The following PDGFC variants were observed in gnomAD, a reference collection of about 807,000 sequenced individuals.
PDGFC encodes the protein platelet-derived growth factor C.
A neutral mutation model predicts 35.5 loss-of-function variants in PDGFC; 12 were observed. The observed-to-expected ratio is 0.34, with a 90% confidence interval of 0.22 to 0.55. PDGFC has a LOEUF of 0.55. Ranked by LOEUF, PDGFC falls within the 20% of genes least tolerant of loss-of-function variation. PDGFC has a pLI of 0.91. For missense variants in PDGFC, 322 were observed against 412.4 expected, an observed-to-expected ratio of 0.78 and a Z score of 1.90; for synonymous variants, 159 against 148.8, an observed-to-expected ratio of 1.07 and a Z score of -0.50.
chr4:156,761,283 C>T lies in PDGFC; in HGVS notation c.*1807G>A, dbSNP rs777093317. 6.6e-5 allele frequency: 10 copies of T among 152,180 alleles called. No individual in the cohort carries two copies. Among genetic ancestry groups the T allele is most frequent in the Non-Finnish European group, 1.2e-4 (8 of 68,048 alleles). 9.4% of individuals were successfully genotyped at this position (152,180 alleles called of 1,614,324 possible). On this transcript the variant is annotated 3_prime_UTR_variant, in exon 6 of 6. Coordinates refer to ENST00000502773, the MANE Select transcript of PDGFC (RefSeq NM_016205.3). ...TTATGCTCACCCCATTTAGTAGTTGCCAGTGACAATGAAGACATGAGTGGA... is the reference window on the plus strand; with the variant it reads ...TTATGCTCACCCCATTTAGTAGTTGTCAGTGACAATGAAGACATGAGTGGA...
intron 1 of PDGFC, among the ~76,000 whole-genome samples, chr4:156,884,478 T>C (rs1730328218): frequency 6.6e-6 from 1 of 152,162 alleles, no homozygotes; most frequent in South Asian, 2.1e-4. Flanking sequence ...GACTCACAGA[T>C]AGGAGTTTCC....
chr4:156,947,607 A>G (rs1052591701), intron 1 of PDGFC, among the ~76,000 whole-genome samples: 5 of 152,118 alleles, frequency 3.3e-5, no homozygotes, highest in African/African-American at 1.2e-4. Flanking sequence ...GAGAGGTGGT[A>G]TCACAAAACA....
intron 2 of PDGFC, among the ~76,000 whole-genome samples, chr4:156,827,208 G>A (rs1343285014): frequency 4.6e-5 from 7 of 152,130 alleles, no homozygotes. Flanking sequence ...ACGAGGTCAG[G>A]AGATTGAGAC....
In PDGFC at chr4:156,762,495, A is replaced by T. The variant is rs922579687; in HGVS notation, c.*595T>A. On this transcript the variant is annotated 3_prime_UTR_variant, in exon 6 of 6. Coordinates refer to ENST00000502773, the MANE Select transcript of PDGFC (RefSeq NM_016205.3). ...TCTTCTTCTAAATGGCAGAAATTTT[A>T]ATAAGAAATATGAAAAATCCAGTCT... 6.6e-6 allele frequency: 1 copy of T among 152,478 alleles called. No individual in the cohort carries two copies. Among genetic ancestry groups the T allele is most frequent in the African/African-American group, 2.4e-5 (1 of 41,574 alleles). The allele number at this position is 152,478 out of a possible 1,614,324, so 9.4% of individuals were successfully genotyped here.
chr4:156,868,491 T>A (rs1000692106), intron 1 of PDGFC, among the ~76,000 whole-genome samples: 1 of 152,264 alleles, frequency 6.6e-6, no homozygotes, highest in African/African-American at 2.4e-5. Flanking sequence ...ATCAACCTAG[T>A]GATGCTTTAC....
intron 3 of PDGFC, among the ~76,000 whole-genome samples, chr4:156,803,501 C>T (rs1731672320): frequency 6.6e-6 from 1 of 151,962 alleles, no homozygotes; most frequent in African/African-American, 2.4e-5. Context: ...CTTTATCTTC[C>T]AGTGAGAAAT....
chr4:156,827,139 T>C (rs1269408753), intron 2 of PDGFC, among the ~76,000 whole-genome samples: 2 of 152,218 alleles, frequency 1.3e-5, no homozygotes, highest in Non-Finnish European at 2.9e-5. Flanking sequence ...ACAGATTGGC[T>C]GGGCACAGTG....
intron 2 of PDGFC, among the ~76,000 whole-genome samples, chr4:156,835,729 A>G (rs1365974456): frequency 6.6e-6 from 1 of 152,218 alleles, no homozygotes; most frequent in Non-Finnish European, 1.5e-5. Context: ...AAGTGATAGA[A>G]CTGAACTGGA....
chr4:156,770,048 G>A (rs980652006), intron 4 of PDGFC: 3 of 151,876 alleles, frequency 2.0e-5, no homozygotes, highest in East Asian at 1.9e-4. Flanking sequence ...GATTGTATAC[G>A]TTTCCTTTAA....
intron 1 of PDGFC, among the ~76,000 whole-genome samples, chr4:156,851,072 T>C (rs17035315): frequency 0.079 from 11,970 of 152,180 alleles, 1,047 homozygotes; most frequent in African/African-American, 0.22. Flanking sequence ...GCTTTAGGAA[T>C]TGAGCTGGCA....
At chr4:156,962,026 ATC>A (rs1266964533) in intron 1 of PDGFC, among the ~76,000 whole-genome samples, 1 of 152,174 alleles carries the variant, frequency 6.6e-6, no homozygotes, top group East Asian at 1.9e-4. Flanking sequence ...CAAAGCAGAA[ATC>A]TGTCACTGCC....
chr4:156,926,700 G>A (rs114137506), intron 1 of PDGFC, among the ~76,000 whole-genome samples: 3,308 of 152,294 alleles, frequency 0.022, 109 homozygotes, highest in African/African-American at 0.074. Flanking sequence ...GCGCAGCTCC[G>A]CCTCTGTGTT....
At chr4:156,780,186 A>C (rs1252288043) in intron 3 of PDGFC, among the ~76,000 whole-genome samples, 1 of 151,418 alleles carries the variant, frequency 6.6e-6, no homozygotes, top group Non-Finnish European at 1.5e-5. Flanking sequence ...TTAAAAGCTA[A>C]AATAACGTCT....
intron 4 of PDGFC, among the ~76,000 whole-genome samples, chr4:156,769,889 C>G (rs1481086971): frequency 1.3e-5 from 2 of 152,016 alleles, no homozygotes; most frequent in Non-Finnish European, 2.9e-5. Context: ...AAAATATGCA[C>G]AAACACAAAA....
intron 2 of PDGFC, among the ~76,000 whole-genome samples, chr4:156,837,465 T>C (rs1458981538): frequency 1.3e-5 from 2 of 152,156 alleles, no homozygotes; most frequent in East Asian, 3.9e-4. Flanking sequence ...ACTAGCTAGC[T>C]AGCCAGATAG....
At chr4:156,816,992 C>A (rs6844750) in intron 2 of PDGFC, among the ~76,000 whole-genome samples, 9,592 of 152,030 alleles carry the variant, frequency 0.063, 988 homozygotes, top group African/African-American at 0.22. Context: ...AGAGTTTTAA[C>A]CCTACTTGGA....
chr4:156,795,044 A>C (rs1046663838), intron 3 of PDGFC, among the ~76,000 whole-genome samples: 2 of 152,214 alleles, frequency 1.3e-5, no homozygotes, highest in African/African-American at 4.8e-5. Context: ...CTCACTGAAC[A>C]CTACTGCTTA....
intron 1 of PDGFC, among the ~76,000 whole-genome samples, chr4:156,933,645 C>A (rs1294286563): frequency 2.0e-5 from 3 of 152,138 alleles, no homozygotes; most frequent in Admixed American, 2.0e-4. Context: ...TATGGTTTGG[C>A]TCTGTGTCCC....
At chr4:156,792,035 C>G (rs1193327931) in intron 3 of PDGFC, among the ~76,000 whole-genome samples, 1 of 152,138 alleles carries the variant, frequency 6.6e-6, no homozygotes, top group Non-Finnish European at 1.5e-5. Flanking sequence ...ATTTAAAAAG[C>G]AATTTCACCA....
Sources: gnomAD v4.1 joint callset for allele counts (sites outside exome capture counted in the v4.1 genomes callset) on GRCh38, gnomAD v4.1.1 for gene constraint, MANE v1.5 for transcripts, NCBI Gene and HGNC (gene_info 2026-07-23, HGNC 2026-07-21) for gene names.